SMARCA2: variants seen among roughly 807,000 people sequenced by gnomAD.
SMARCA2 encodes SWI/SNF-related matrix-associated actin-dependent regulator of chromatin subfamily A member 2.
SMARCA2 carries 61 observed loss-of-function variants against 199.8 expected under a neutral mutation model. The ratio of observed to expected loss-of-function variants is 0.31; its 90% CI spans 0.25 to 0.38. SMARCA2 has a LOEUF of 0.38. Among genes scored for constraint, SMARCA2 ranks in the 10% least tolerant of loss-of-function variants. The probability of loss-of-function intolerance (pLI) is 1.00; values close to 1 mark genes in which losing one functional copy is unlikely to be tolerated. For synonymous variants in SMARCA2, 935 were observed against 732.0 expected (o/e 1.28, Z -4.48); for missense variants, 1,344 against 2,012.2 (o/e 0.67, Z 6.35).
intron 9 of SMARCA2, among the ~76,000 whole-genome samples, chr9:2,062,654 G>C (rs1390182734): frequency 2.0e-5 from 3 of 152,052 alleles, no homozygotes; most frequent in African/African-American, 7.2e-5. Context: ...TTTGGTAATA[G>C]CACTTATTCT....
intron 9 of SMARCA2, among the ~76,000 whole-genome samples, chr9:2,069,477 T>G (rs1343289661): frequency 2.0e-5 from 3 of 150,014 alleles, no homozygotes; most frequent in Admixed American, 6.7e-5. Context: ...GAGAATGGCG[T>G]GAACACGGGA....
At chr9:2,037,930 T>C (rs1819402632) in intron 3 of SMARCA2, among the ~76,000 whole-genome samples, 1 of 152,252 alleles carries the variant, frequency 6.6e-6, no homozygotes, top group East Asian at 1.9e-4. Context: ...CTAGGAATTC[T>C]ATGGCCAAGC....
At chr9:2,070,502 C>T (rs759517515) in intron 10 of SMARCA2, 31 bp downstream of exon 10, 1 of 1,557,914 alleles carries the variant, frequency 6.4e-7, no homozygotes, top group East Asian at 2.2e-5. Context: ...CCACTGTGTT[C>T]TGCTGAATGG....
Position 2,060,989 on chromosome 9 carries a change from G to A in SMARCA2, c.1692+3G>A. The A allele has an allele frequency of 6.2e-7, 1 of 1,612,810 alleles. No individual in the cohort carries two copies. The stretch of plus-strand genomic sequence containing the variant: ...AGAAGAGGAGGAGGAGGAAGAAGGT[G>A]CGTATCCTAGTGGTGGTGGCTGAGT... On this transcript the variant is annotated splice_donor_region_variant and intron_variant, in intron 9 of 33. Transcript: ENST00000349721.
intron 19 of SMARCA2, among the ~76,000 whole-genome samples, chr9:2,092,609 G>A (rs928371179): frequency 6.6e-6 from 1 of 152,148 alleles, no homozygotes; most frequent in South Asian, 2.1e-4. Context: ...TTCTACAGGG[G>A]TATATAAGAA....
intron 25 of SMARCA2, among the ~76,000 whole-genome samples, chr9:2,117,293 C>A (rs982440525): frequency 6.6e-6 from 1 of 152,016 alleles, no homozygotes; most frequent in African/African-American, 2.4e-5. Flanking sequence ...TTGTATTATG[C>A]CTCCTAATTT....
chr9:2,186,191 GGAGGAA>G lies in SMARCA2; in HGVS notation c.4566_4571del (p.Glu1522_Glu1523del), dbSNP rs1373436130. ...AGAGTGAGGATGAAAGCAATGAAGA[GGAGGAA>G]GAGGAAGATGAAGAAGAGTCAGAGT... On this transcript the variant is annotated inframe_deletion, in exon 32 of 34. Coordinates refer to ENST00000349721, the MANE Select transcript of SMARCA2 (RefSeq NM_003070.5). 2.0e-5 allele frequency: 32 copies of G among 1,613,952 alleles called. No homozygotes were observed. Among genetic ancestry groups the G allele is most frequent in the East Asian group, 4.5e-5 (2 of 44,884 alleles).
intron 14 of SMARCA2, among the ~76,000 whole-genome samples, chr9:2,079,737 A>G (rs929645309): frequency 2.6e-5 from 4 of 152,198 alleles, no homozygotes; most frequent in African/African-American, 7.2e-5. Flanking sequence ...TGTTTGGCCT[A>G]CCTGACATAG....
intron 15 of SMARCA2, among the ~76,000 whole-genome samples, chr9:2,082,236 C>T (rs1821595749): frequency 6.6e-6 from 1 of 151,702 alleles, no homozygotes; most frequent in East Asian, 1.9e-4. Flanking sequence ...CATTACAGGT[C>T]TGCACAGCCT....
intron 13 of SMARCA2, 145 bp from the exon 14 acceptor site, chr9:2,077,484 A>G: frequency 2.8e-6 from 2 of 705,458 alleles, no homozygotes; most frequent in South Asian, 1.8e-5. Flanking sequence ...CAGATAGTGT[A>G]TATTAACTGC....
intron 28 of SMARCA2, among the ~76,000 whole-genome samples, chr9:2,165,526 C>G (rs1491002392): frequency 6.6e-6 from 1 of 152,212 alleles, no homozygotes; most frequent in Non-Finnish European, 1.5e-5. Flanking sequence ...TCTGTTGCTA[C>G]TGGCCCCCAT....
intron 32 of SMARCA2, among the ~76,000 whole-genome samples, chr9:2,187,702 T>C (rs1039473556): frequency 4.6e-5 from 7 of 151,970 alleles, no homozygotes; most frequent in Admixed American, 4.6e-4. Context: ...ATATAATTAA[T>C]AAATATTTTA....
At chr9:2,163,074 G>A (rs1825765525) in intron 28 of SMARCA2, 1 of 152,116 alleles carries the variant, frequency 6.6e-6, no homozygotes, top group Admixed American at 6.5e-5. Flanking sequence ...CATCATAGCA[G>A]GAAGGAAAAA....
rs1203002693 is a variant in SMARCA2 at position 2,029,214 on chromosome 9, C to T, written c.192C>T (p.Asp64=). 6.2e-7 allele frequency: 1 copy of T among 1,612,674 alleles called. No homozygotes were observed. The highest frequency in any genetic ancestry group is 1.1e-5 in the South Asian group (1 of 90,670). The change falls in exon 2 of 34, where the codon GAC becomes GAT. Residue 64 remains aspartate (D), a synonymous_variant. Coordinates refer to ENST00000349721, the MANE Select transcript of SMARCA2 (RefSeq NM_003070.5). ...CTATGCCGACGATGGGGTCCACAGA[C>T]TTCCCACAGGAAGGCATGCATCAAA... is the stretch of plus-strand genomic sequence containing the variant. ...SHPMPTMGST[D]FPQEGMHQMH... is the part of the protein sequence containing the mutation.
intron 5 of SMARCA2, among the ~76,000 whole-genome samples, chr9:2,048,236 C>G (rs1819965377): frequency 6.6e-6 from 1 of 152,104 alleles, no homozygotes; most frequent in Admixed American, 6.5e-5. Flanking sequence ...AATGTCAACC[C>G]AAAAGGGAGT....
Position 2,170,369 on chromosome 9 carries a change from G to A in SMARCA2, c.4200-50G>A, listed in dbSNP as rs1240562904. 4 of 1,612,280 alleles carry A rather than the reference G, an allele frequency of 2.5e-6. No individual in the cohort carries two copies. Among genetic ancestry groups the A allele is most frequent in the Non-Finnish European group, 3.4e-6 (4 of 1,178,988 alleles). On this transcript the variant is annotated intron_variant, in intron 28 of 33. Coordinates refer to ENST00000349721, the MANE Select transcript of SMARCA2 (RefSeq NM_003070.5). This position sits in a 1 kb window ranked among gnomAD's most constrained non-coding sequence, Gnocchi z 4.7. ...GCCTAGGAAGAAGGAGCCGGGCGGG[G>A]ACGAGAACCCAGGTCTTCTGACTCT...
At chr9:2,042,506 A>G (rs1819649898) in intron 4 of SMARCA2, 1 of 152,240 alleles carries the variant, frequency 6.6e-6, no homozygotes, top group South Asian at 2.1e-4. Flanking sequence ...AACCTTTTTC[A>G]TCCAAGGTTA....
chr9:2,082,041 G>T (rs1291171533), intron 15 of SMARCA2, 46 bp downstream of exon 15: 2 of 1,519,920 alleles, frequency 1.3e-6, no homozygotes, highest in Non-Finnish European at 9.0e-7. Context: ...GTATGTTGTA[G>T]AGTGCCCGAT....
Position 2,161,251 on chromosome 9 carries a change from G to C in SMARCA2, c.3982-435G>C, listed in dbSNP as rs1043684014. Among the ~76,000 whole-genome samples the C allele has an allele frequency of 6.6e-6, 1 of 152,134 alleles. No individual in the cohort carries two copies. Among genetic ancestry groups the C allele is most frequent in the African/African-American group, 2.4e-5 (1 of 41,434 alleles). ...AGAAAAGGTCAAAGCTTATATGATC[G>C]TGTGGATGTATTCTTAGGGATTGTT... is the stretch of plus-strand genomic sequence containing the variant. On this transcript the variant is annotated intron_variant, in intron 27 of 33. Coordinates refer to ENST00000349721, the MANE Select transcript of SMARCA2 (RefSeq NM_003070.5). The surrounding 1 kb of genome is among the most constrained non-coding windows in gnomAD (Gnocchi z 4.7).
Sources: gnomAD v4.1 joint callset for allele counts (sites outside exome capture counted in the v4.1 genomes callset) on GRCh38, gnomAD v4.1.1 for gene constraint, Gnocchi (gnomAD v3.1) non-coding constraint, MANE v1.5 for transcripts, NCBI Gene and HGNC (gene_info 2026-07-23, HGNC 2026-07-21) for gene names.